KCNMB2: variants seen among roughly 807,000 people sequenced by gnomAD.
KCNMB2 encodes potassium calcium-activated channel subfamily M regulatory beta subunit 2.
Under a neutral mutation model 24.5 loss-of-function variants are expected in KCNMB2, and 9 were observed. The ratio of observed to expected loss-of-function variants is 0.37; its 90% CI spans 0.22 to 0.64. The LOEUF (loss-of-function observed/expected upper bound fraction) is 0.64, where lower values mean the gene tolerates loss of function less well. Among genes scored for constraint, KCNMB2 ranks in the 30% least tolerant of loss-of-function variants. KCNMB2 has a pLI of 0.63. For synonymous variants in KCNMB2, 109 were observed against 104.4 expected (o/e 1.04, Z -0.27); for missense variants, 226 against 284.3 (o/e 0.79, Z 1.47).
chr3:178,635,188 T>A lies in KCNMB2; in HGVS notation c.-68+98477T>A, dbSNP rs114777043. On this transcript the variant is annotated intron_variant, in intron 1 of 4. Coordinates refer to ENST00000452583, the MANE Select transcript of KCNMB2 (RefSeq NM_181361.3). ...TTATTGCACTCAACAGCCTTGGAGA[T>A]GAGCCAAAATACCAGCCAGAGGAGG... Among the ~76,000 whole-genome samples the A allele has an allele frequency of 5.1e-3, 781 of 152,210 alleles. 3 individuals are homozygous for A. The highest frequency in any genetic ancestry group is 0.01 in the Middle Eastern group (3 of 294).
intron 1 of KCNMB2, among the ~76,000 whole-genome samples, chr3:178,649,830 A>AC (rs562348015): frequency 0.016 from 925 of 58,686 alleles, 2 homozygotes; most frequent in African/African-American, 0.025. Flanking sequence ...GGATTCATTG[A>AC]CTTTTTTCTC....
At chr3:178,806,368 A>G (rs1713968307) in intron 1 of KCNMB2, among the ~76,000 whole-genome samples, 1 of 152,196 alleles carries the variant, frequency 6.6e-6, no homozygotes, top group Non-Finnish European at 1.5e-5. Flanking sequence ...CATAAATAAT[A>G]CATTCAAAGT....
intron 1 of KCNMB2, among the ~76,000 whole-genome samples, chr3:178,641,914 T>C (rs1393209224): frequency 6.6e-6 from 1 of 152,174 alleles, no homozygotes; most frequent in Non-Finnish European, 1.5e-5. Context: ...ATATTTCATC[T>C]CAATATGTTT....
intron 1 of KCNMB2, among the ~76,000 whole-genome samples, chr3:178,797,178 T>C (rs1713584002): frequency 6.6e-6 from 1 of 151,978 alleles, no homozygotes; most frequent in Non-Finnish European, 1.5e-5. Context: ...CCACTAAAAT[T>C]GAACCAGAAA....
chr3:178,782,754 T>C (rs1319096076), intron 1 of KCNMB2, among the ~76,000 whole-genome samples: 1 of 151,600 alleles, frequency 6.6e-6, no homozygotes, highest in South Asian at 2.1e-4. Flanking sequence ...CTGTTCACTC[T>C]GATGGTAGTT....
At chr3:178,825,968 TCTA>T (rs1391103021) in intron 3 of KCNMB2, among the ~76,000 whole-genome samples, 2 of 152,176 alleles carry the variant, frequency 1.3e-5, no homozygotes, top group East Asian at 3.8e-4. Context: ...GTCAAAGACT[TCTA>T]CTTCTTTAAT....
chr3:178,838,213 C>T (rs1715301471), intron 4 of KCNMB2, among the ~76,000 whole-genome samples: 1 of 152,240 alleles, frequency 6.6e-6, no homozygotes, highest in African/African-American at 2.4e-5. Context: ...TCCCACACTG[C>T]CTTACACCCT....
intron 1 of KCNMB2, among the ~76,000 whole-genome samples, chr3:178,616,776 TCC>T (rs1718721168): frequency 6.6e-6 from 1 of 152,104 alleles, no homozygotes; most frequent in Non-Finnish European, 1.5e-5. Flanking sequence ...GGTTTTATAA[TCC>T]CATTTCGTAG....
intron 1 of KCNMB2, among the ~76,000 whole-genome samples, chr3:178,779,026 G>T (rs775832711): frequency 3.9e-5 from 6 of 152,166 alleles, no homozygotes; most frequent in Non-Finnish European, 5.9e-5. Flanking sequence ...GCACCATCTC[G>T]TATTGATACT....
At chr3:178,756,782 C>T (rs989177173) in intron 1 of KCNMB2, among the ~76,000 whole-genome samples, 2 of 151,922 alleles carry the variant, frequency 1.3e-5, no homozygotes, top group Admixed American at 6.6e-5. Context: ...CTGGATGTAC[C>T]CTATTGTGGA....
intron 1 of KCNMB2, among the ~76,000 whole-genome samples, chr3:178,798,927 T>C (rs1713664043): frequency 6.6e-6 from 1 of 151,818 alleles, no homozygotes; most frequent in African/African-American, 2.4e-5. Context: ...AACAATGTGA[T>C]GTTGGTCACT....
intron 1 of KCNMB2, among the ~76,000 whole-genome samples, chr3:178,741,760 G>C (rs1265053741): frequency 6.6e-6 from 1 of 152,100 alleles, no homozygotes; most frequent in Non-Finnish European, 1.5e-5. Context: ...TGTGTAGTCT[G>C]GTCAACAACA....
At chr3:178,764,019 T>A (rs1712019314) in intron 1 of KCNMB2, among the ~76,000 whole-genome samples, 1 of 152,154 alleles carries the variant, frequency 6.6e-6, no homozygotes. Flanking sequence ...GAAACAAGGC[T>A]CAAGATAACT....
chr3:178,614,133 C>G (rs1718594918), intron 1 of KCNMB2, among the ~76,000 whole-genome samples: 1 of 140,034 alleles, frequency 7.1e-6, no homozygotes, highest in African/African-American at 2.5e-5. Context: ...TTTTTCAACT[C>G]TAGAATTTCT....
At chr3:178,744,893 T>C (rs1330713274) in intron 1 of KCNMB2, among the ~76,000 whole-genome samples, 1 of 152,104 alleles carries the variant, frequency 6.6e-6, no homozygotes, top group Non-Finnish European at 1.5e-5. Context: ...TCATCAATTA[T>C]AGAGAAGCAG....
intron 1 of KCNMB2, among the ~76,000 whole-genome samples, chr3:178,624,813 A>G (rs1164188508): frequency 2.0e-5 from 3 of 151,704 alleles, no homozygotes; most frequent in Non-Finnish European, 4.4e-5. Flanking sequence ...CCCGAGTGAC[A>G]GAGGTGTGGG....
intron 1 of KCNMB2, chr3:178,756,980 G>C (rs980545211): frequency 4.6e-5 from 7 of 151,648 alleles, no homozygotes; most frequent in African/African-American, 1.7e-4. Flanking sequence ...GTACAAAAAT[G>C]GGAAGAAGTG....
chr3:178,640,874 A>T (rs573702246), intron 1 of KCNMB2, among the ~76,000 whole-genome samples: 67 of 152,204 alleles, frequency 4.4e-4, no homozygotes, highest in African/African-American at 1.5e-3. Context: ...TTAAGTAATA[A>T]GGTCTCTGGG....
At chr3:178,780,474 G>A (rs1712784674) in intron 1 of KCNMB2, among the ~76,000 whole-genome samples, 2 of 152,310 alleles carry the variant, frequency 1.3e-5, no homozygotes, top group African/African-American at 2.4e-5. Flanking sequence ...ATAGGTTTAG[G>A]CTCAAAGATG....
Sources: gnomAD v4.1 joint callset for allele counts (sites outside exome capture counted in the v4.1 genomes callset) on GRCh38, gnomAD v4.1.1 for gene constraint, MANE v1.5 for transcripts, NCBI Gene and HGNC (gene_info 2026-07-23, HGNC 2026-07-21) for gene names.